PREX2: variants seen among roughly 807,000 people sequenced by gnomAD.
PREX2 encodes the protein phosphatidylinositol-3,4,5-trisphosphate dependent Rac exchange factor 2.
PREX2 carries 107 observed loss-of-function variants against 203.2 expected under a neutral mutation model. The ratio of observed to expected loss-of-function variants is 0.53; its 90% CI spans 0.45 to 0.62. The LOEUF (loss-of-function observed/expected upper bound fraction) is 0.62. Ranked by LOEUF, PREX2 falls within the 20% of genes least tolerant of loss-of-function variation. PREX2 has a pLI of 0.00. For synonymous variants in PREX2, 672 were observed against 663.6 expected, an observed-to-expected ratio of 1.01 and a Z score of -0.19; for missense variants, 1,777 against 1,955.9, an observed-to-expected ratio of 0.91 and a Z score of 1.72.
At chr8:67,976,145 C>T (rs1211519332) in intron 1 of PREX2, among the ~76,000 whole-genome samples, 4 of 152,170 alleles carry the variant, frequency 2.6e-5, no homozygotes, top group Non-Finnish European at 5.9e-5. Context: ...AAACCCCCAG[C>T]AGCACCCTTT....
intron 18 of PREX2, among the ~76,000 whole-genome samples, chr8:68,084,010 A>G (rs1241300293): frequency 6.6e-6 from 1 of 152,132 alleles, no homozygotes; most frequent in African/African-American, 2.4e-5. Flanking sequence ...AGTATTAACT[A>G]AAGTTTTTAA....
At chr8:68,099,620 C>T in intron 22 of PREX2, 62 bp from the exon 23 acceptor site, 1 of 1,447,760 alleles carries the variant, frequency 6.9e-7, no homozygotes, top group Non-Finnish European at 9.3e-7. Flanking sequence ...TTTTGTTTTT[C>T]TATGTGTGTG....
At chr8:68,041,716 C>G (rs1042037261) in intron 7 of PREX2, among the ~76,000 whole-genome samples, 1 of 151,914 alleles carries the variant, frequency 6.6e-6, no homozygotes, top group East Asian at 1.9e-4. Flanking sequence ...GTGTGTTACT[C>G]GTTAAGAAAC....
chr8:68,070,360 TG>T (rs1809160388), intron 13 of PREX2, among the ~76,000 whole-genome samples: 1 of 151,992 alleles, frequency 6.6e-6, no homozygotes, highest in South Asian at 2.1e-4. Flanking sequence ...AGAATTATTT[TG>T]AAGTTAATAA....
chr8:68,030,772 G>C, intron 6 of PREX2, 114 bp downstream of exon 6: 1 of 969,594 alleles, frequency 1.0e-6, no homozygotes, highest in Non-Finnish European at 1.6e-6. Flanking sequence ...GATATTACTT[G>C]AGGACTGTAG....
intron 34 of PREX2, among the ~76,000 whole-genome samples, chr8:68,154,653 G>A (rs761495665): frequency 9.2e-5 from 14 of 152,268 alleles, no homozygotes; most frequent in Non-Finnish European, 1.6e-4. Context: ...CCAGAATTTC[G>A]TTGAGCCAGT....
chr8:68,224,715 A>T, intron 39 of PREX2, 89 bp downstream of exon 39: 1 of 956,294 alleles, frequency 1.0e-6, no homozygotes. Context: ...CTGATCTAGG[A>T]TGTGCCCCGT....
chr8:67,974,582 A>G (rs981221192), intron 1 of PREX2, among the ~76,000 whole-genome samples: 1 of 152,080 alleles, frequency 6.6e-6, no homozygotes, highest in African/African-American at 2.4e-5. Flanking sequence ...TGACATTTTT[A>G]TTGTTTTTGG....
At chr8:68,096,866 A>G in intron 21 of PREX2, 151 bp from the exon 22 acceptor site, 1 of 657,352 alleles carries the variant, frequency 1.5e-6, no homozygotes, top group Non-Finnish European at 2.6e-6. Flanking sequence ...ATTTTTTAAA[A>G]TGTTAACAAG....
intron 11 of PREX2, among the ~76,000 whole-genome samples, chr8:68,064,109 T>G (rs1808945818): frequency 6.6e-6 from 1 of 152,138 alleles, no homozygotes; most frequent in African/African-American, 2.4e-5. Flanking sequence ...AGCGTATGCT[T>G]TCTCTGTGGT....
intron 35 of PREX2, among the ~76,000 whole-genome samples, chr8:68,158,427 T>C (rs1052392836): frequency 1.3e-5 from 2 of 152,086 alleles, no homozygotes; most frequent in South Asian, 2.1e-4. Context: ...GGAGCATAGA[T>C]TCAAATTGCT....
chr8:68,096,494 T>G (rs1228826092), intron 21 of PREX2, among the ~76,000 whole-genome samples: 1 of 152,140 alleles, frequency 6.6e-6, no homozygotes, highest in Admixed American at 6.6e-5. Context: ...TTTATTATAG[T>G]GAACAATGAG....
chr8:68,186,648 G>A (rs911516826), intron 35 of PREX2, among the ~76,000 whole-genome samples: 1 of 151,958 alleles, frequency 6.6e-6, no homozygotes, highest in Non-Finnish European at 1.5e-5. Flanking sequence ...TGAGTAGCTG[G>A]GATTACAGGC....
chr8:68,041,750 A>T (rs1808203187), intron 7 of PREX2, among the ~76,000 whole-genome samples: 1 of 152,080 alleles, frequency 6.6e-6, no homozygotes. Flanking sequence ...AAGGTGTTTT[A>T]GTGCAATTAT....
At chr8:68,027,389 T>A (rs1424248961) in intron 5 of PREX2, 66 bp downstream of exon 5, 2 of 1,031,714 alleles carry the variant, frequency 1.9e-6, no homozygotes, top group South Asian at 2.6e-5. Context: ...ATGATCTTTT[T>A]AAAAAATTAT....
chr8:68,124,307 C>T (rs1810843339), intron 30 of PREX2, among the ~76,000 whole-genome samples: 1 of 151,988 alleles, frequency 6.6e-6, no homozygotes, highest in Non-Finnish European at 1.5e-5. Flanking sequence ...ACTATGCAGC[C>T]ATAAAAAAGA....
At chr8:68,122,263 A>G (rs1810789794) in intron 30 of PREX2, among the ~76,000 whole-genome samples, 1 of 152,140 alleles carries the variant, frequency 6.6e-6, no homozygotes, top group Non-Finnish European at 1.5e-5. Flanking sequence ...TTGTACAGAT[A>G]TGGAATACTT....
At chr8:68,134,978 A>G (rs1236510410) in intron 32 of PREX2, among the ~76,000 whole-genome samples, 2 of 152,330 alleles carry the variant, frequency 1.3e-5, no homozygotes, top group Non-Finnish European at 2.9e-5. Flanking sequence ...ACTTTAATAT[A>G]TAAATGTTAG....
intron 1 of PREX2, among the ~76,000 whole-genome samples, chr8:67,954,970 C>T (rs1449024772): frequency 6.6e-6 from 1 of 151,746 alleles, no homozygotes; most frequent in Non-Finnish European, 1.5e-5. Context: ...TGGTGAAACC[C>T]CGTCTCTACT....
Sources: gnomAD v4.1 joint callset for allele counts (sites outside exome capture counted in the v4.1 genomes callset) on GRCh38, gnomAD v4.1.1 for gene constraint, MANE v1.5 for transcripts, NCBI Gene and HGNC (gene_info 2026-07-23, HGNC 2026-07-21) for gene names.